The following MOCOS variants were observed in gnomAD, a reference collection of about 807,000 sequenced individuals.
MOCOS encodes the protein human molybdenum cofactor sulfurase.
In MOCOS, 86 loss-of-function variants were observed where a neutral mutation model predicts 83.6. That is an observed-to-expected ratio of 1.03 (90% CI 0.86 to 1.23). The LOEUF (loss-of-function observed/expected upper bound fraction) is 1.23, where lower values mean the gene tolerates loss of function less well. Ranked by LOEUF, MOCOS falls within the 50% of genes most tolerant of loss-of-function variation. The pLI is 0.00. For synonymous variants in MOCOS, 445 were observed against 434.7 expected (o/e 1.02, Z -0.29); for missense variants, 1,120 against 1,126.9 (o/e 0.99, Z 0.09).
chr18:36,268,500 C>A, intron 14 of MOCOS, 33 bp from the exon 15 acceptor site: 2 of 1,613,744 alleles, frequency 1.2e-6, no homozygotes. Flanking sequence ...AATAATCTAG[C>A]CTTTTTTGTT....
intron 9 of MOCOS, among the ~76,000 whole-genome samples, chr18:36,240,463 G>T (rs894627270): frequency 6.6e-6 from 1 of 150,488 alleles, no homozygotes; most frequent in Middle Eastern, 3.4e-3. Flanking sequence ...CAGGGGTCAG[G>T]GACCCACTTG....
rs974924267 is a variant in MOCOS, at chr18:36,268,797, T to C, written c.*112T>C. On this transcript the variant is annotated 3_prime_UTR_variant, in exon 15 of 15. Coordinates refer to ENST00000261326, the MANE Select transcript of MOCOS (RefSeq NM_017947.4). ...TTGAATAAGGAGAGCTCTTTTTCTT[T>C]AGAGGCAGGGAATGCTCTCACCTGC... 1.3e-5 allele frequency: 12 copies of C among 934,194 alleles called. No homozygotes were observed. In the African/African-American group the frequency reaches 1.3e-4, roughly 10 times the overall value. The allele number at this position is 934,194 out of a possible 1,614,324, so 57.9% of individuals were successfully genotyped here. A position where few individuals can be genotyped will look rare whatever the true frequency, so the allele number is the denominator to read the frequency against.
chr18:36,260,336 C>A lies in MOCOS; in HGVS notation c.2409+161C>A, dbSNP rs113853455. On this transcript the variant is annotated intron_variant, in intron 13 of 14. Transcript: ENST00000261326. ...TATGTAAGCTTAGCCTTCTAAGACA[C>A]CCCATGGAATAATCCATCCTTTATT... Among the ~76,000 whole-genome samples the A allele has an allele frequency of 0.011, 1,680 of 152,230 alleles. 29 individuals are homozygous for A. The highest frequency in any genetic ancestry group is 0.038 in the African/African-American group (1,596 of 41,548).
At chr18:36,252,845 A>C (rs970184082) in intron 11 of MOCOS, among the ~76,000 whole-genome samples, 1 of 152,242 alleles carries the variant, frequency 6.6e-6, no homozygotes, top group Non-Finnish European at 1.5e-5. Context: ...GAGAGGAGTC[A>C]AAGGATGTAA....
At chr18:36,257,774 G>A (rs1799845581) in intron 12 of MOCOS, among the ~76,000 whole-genome samples, 1 of 152,192 alleles carries the variant, frequency 6.6e-6, no homozygotes, top group Non-Finnish European at 1.5e-5. Context: ...AGAGATGAGT[G>A]TTGTTAGTGG....
chr18:36,254,184 G>A (rs2091632425), intron 11 of MOCOS, among the ~76,000 whole-genome samples: 1 of 152,258 alleles, frequency 6.6e-6, no homozygotes, highest in South Asian at 2.1e-4. Context: ...CATTGGTCTT[G>A]AAACAGTTTT....
chr18:36,248,864 G>A (rs1403306888), intron 9 of MOCOS, 58 bp from the exon 10 acceptor site: 7 of 1,400,430 alleles, frequency 5.0e-6, no homozygotes, highest in East Asian at 4.6e-5. Flanking sequence ...ATATTTTGAA[G>A]TCAAGTAGCT....
At chr18:36,219,852 G>A (rs1204222657) in intron 8 of MOCOS, among the ~76,000 whole-genome samples, 3 of 152,178 alleles carry the variant, frequency 2.0e-5, no homozygotes, top group Non-Finnish European at 4.4e-5. Context: ...TGGACCTGGA[G>A]GCTGAATGGG....
At chr18:36,263,949 C>T (rs2091672872) in intron 13 of MOCOS, among the ~76,000 whole-genome samples, 1 of 151,976 alleles carries the variant, frequency 6.6e-6, no homozygotes, top group African/African-American at 2.4e-5. Flanking sequence ...GACTGAGGTG[C>T]TCGGATCACC....
chr18:36,199,602 T>C, intron 3 of MOCOS, 81 bp from the exon 4 acceptor site: 2 of 1,596,486 alleles, frequency 1.3e-6, no homozygotes, highest in Admixed American at 3.3e-5. Flanking sequence ...GATGTCATAG[T>C]TAATAGAAAT....
rs2091693839 is a variant in MOCOS, at chr18:36,269,937, A to T, written c.*1252A>T. On this transcript the variant is annotated 3_prime_UTR_variant, in exon 15 of 15. Transcript: ENST00000261326. The stretch of plus-strand genomic sequence containing the variant: ...TTCAGAGCCTGTGGGATTCAGGGTC[A>T]GTTTGTTTCATTATCACATTTGTAG... 1 of 152,154 alleles carries T rather than the reference A, an allele frequency of 6.6e-6. No individual in the cohort carries two copies. Among genetic ancestry groups the T allele is most frequent in the Non-Finnish European group, 1.5e-5 (1 of 68,056 alleles). 9.4% of individuals were successfully genotyped at this position (152,154 alleles called of 1,614,324 possible). A position where few individuals can be genotyped will look rare whatever the true frequency, so the allele number is the denominator to read the frequency against.
chr18:36,262,429 C>T (rs920438099), intron 13 of MOCOS, among the ~76,000 whole-genome samples: 4 of 152,046 alleles, frequency 2.6e-5, no homozygotes, highest in Non-Finnish European at 5.9e-5. Context: ...GTCAGTCAAT[C>T]AGTCAATCAA....
chr18:36,270,205 T>C lies in MOCOS; in HGVS notation c.*1520T>C, dbSNP rs1355933460. 1 of 152,138 alleles carries C rather than the reference T, an allele frequency of 6.6e-6. No individual in the cohort carries two copies. Among genetic ancestry groups the C allele is most frequent in the Non-Finnish European group, 1.5e-5 (1 of 68,034 alleles). The allele number at this position is 152,138 out of a possible 1,614,324, so 9.4% of individuals were successfully genotyped here. A position where few individuals can be genotyped will look rare whatever the true frequency, so the allele number is the denominator to read the frequency against. On this transcript the variant is annotated 3_prime_UTR_variant, in exon 15 of 15. Coordinates refer to ENST00000261326, the MANE Select transcript of MOCOS (RefSeq NM_017947.4). The stretch of plus-strand genomic sequence containing the variant: ...TTAAAAACGCAACCTCTTCAAAGAC[T>C]CAGCACTGCCACATCATATGAGTGG...
At chr18:36,201,891 A>G (rs1384936763) in intron 4 of MOCOS, among the ~76,000 whole-genome samples, 1 of 152,176 alleles carries the variant, frequency 6.6e-6, no homozygotes, top group East Asian at 1.9e-4. Flanking sequence ...TGACAGGCAT[A>G]ACATAATGTA....
At chr18:36,258,209 TC>T (rs2091649924) in intron 12 of MOCOS, among the ~76,000 whole-genome samples, 1 of 152,014 alleles carries the variant, frequency 6.6e-6, no homozygotes, top group South Asian at 2.1e-4. Context: ...GGGGCCACGT[TC>T]CCCACCATCT....
At chr18:36,250,497 C>T (rs2091617923) in intron 10 of MOCOS, among the ~76,000 whole-genome samples, 1 of 152,162 alleles carries the variant, frequency 6.6e-6, no homozygotes, top group Admixed American at 6.5e-5. Context: ...GATGATTGTG[C>T]TTGACACAGT....
At chr18:36,233,526 G>A (rs899248110) in intron 9 of MOCOS, among the ~76,000 whole-genome samples, 1 of 152,162 alleles carries the variant, frequency 6.6e-6, no homozygotes, top group African/African-American at 2.4e-5. Flanking sequence ...TTTATATAAT[G>A]ACTTCTTTTC....
intron 12 of MOCOS, 102 bp downstream of exon 12, chr18:36,257,175 G>A (rs868052965): frequency 1.4e-5 from 14 of 1,014,280 alleles, no homozygotes; most frequent in Admixed American, 1.2e-4. Flanking sequence ...GAGTCATGAA[G>A]TTCAGCCCTG....
At chr18:36,236,618 C>G (rs1465492733) in intron 9 of MOCOS, among the ~76,000 whole-genome samples, 1 of 133,626 alleles carries the variant, frequency 7.5e-6, no homozygotes, top group African/African-American at 2.9e-5. Flanking sequence ...AATGCGGGCT[C>G]TTTTTTGGTT....
Sources: gnomAD v4.1 joint callset for allele counts (sites outside exome capture counted in the v4.1 genomes callset) on GRCh38, gnomAD v4.1.1 for gene constraint, MANE v1.5 for transcripts, NCBI Gene and HGNC (gene_info 2026-07-23, HGNC 2026-07-21) for gene names.